Variants in MAGT1 observed in about 807,000 individuals in gnomAD.
The protein encoded by MAGT1 is dolichyl-diphosphooligosaccharide--protein glycosyltransferase subunit MAGT1.
In MAGT1, 4 loss-of-function variants were observed where a neutral mutation model predicts 28.4. That is an observed-to-expected ratio of 0.14 (90% CI 0.07 to 0.32). MAGT1 has a LOEUF of 0.32. Ranked by LOEUF, MAGT1 falls within the 10% of genes least tolerant of loss-of-function variation. The pLI, the probability that MAGT1 is intolerant of heterozygous loss-of-function variation, is 1.00. For missense variants in MAGT1, 193 were observed against 264.5 expected, an observed-to-expected ratio of 0.73 and a Z score of 1.88; for synonymous variants, 89 against 89.7, an observed-to-expected ratio of 0.99 and a Z score of 0.04.
rs199604767 is a variant in MAGT1, at chrX:77,895,415, G to A, written c.-5C>T. 140 of 1,209,397 alleles carry A rather than the reference G, an allele frequency of 1.2e-4. No homozygotes were observed. The highest frequency in any genetic ancestry group is 1.5e-4 in the Non-Finnish European group (133 of 894,626). ...AAACCGCCAACGCGCTGCCATGTTC[G>A]CTCCTCTCCCTTCTATAAGTGAAAC... On this transcript the variant is annotated 5_prime_UTR_variant, in exon 1 of 10. Transcript: ENST00000618282.
intron 1 of MAGT1, among the ~76,000 whole-genome samples, chrX:77,895,107 A>T (rs1474044829): frequency 4.5e-5 from 5 of 110,822 alleles, no homozygotes; most frequent in Admixed American, 9.7e-5. Context: ...CACCTACGCT[A>T]CTCCACTCTC....
intron 1 of MAGT1, among the ~76,000 whole-genome samples, chrX:77,875,817 TATGAATGA>T (rs1335691796): frequency 9.1e-6 from 1 of 110,020 alleles, no homozygotes; most frequent in Non-Finnish European, 1.9e-5. Flanking sequence ...TGTAATTAAT[TATGAATGA>T]ATGAATGAAT....
Position 77,828,855 on chromosome X carries a change from G to A in MAGT1, c.*365C>T, listed in dbSNP as rs782086119. The A allele has an allele frequency of 6.4e-6, 1 of 157,236 alleles. No homozygotes were observed. The highest frequency in any genetic ancestry group is 3.1e-5 in the African/African-American group (1 of 32,097). 13.0% of individuals were successfully genotyped at this position (157,236 alleles called of 1,213,427 possible). ...GTCAGGACTTACTTTCCCCATCTTT[G>A]GATAAGGCAATATAAAATCAGATGA... On this transcript the variant is annotated 3_prime_UTR_variant, in exon 10 of 10. Transcript: ENST00000618282.
chrX:77,839,858 G>C (rs782443181), intron 8 of MAGT1, among the ~76,000 whole-genome samples: 25 of 109,523 alleles, frequency 2.3e-4, no homozygotes, highest in African/African-American at 7.6e-4. Flanking sequence ...CATCAGGCTT[G>C]ATGGCCTCGA....
intron 4 of MAGT1, 134 bp from the exon 5 acceptor site, chrX:77,857,007 T>C: frequency 1.0e-5 from 6 of 587,078 alleles, no homozygotes; most frequent in Admixed American, 3.3e-5. Flanking sequence ...TTTTATGTTA[T>C]CCCAATCAAA....
At position 77,859,676 on chromosome X, in the gene MAGT1, G is replaced by A. The variant is rs1362947320; in HGVS notation, c.391-2179C>T. On this transcript the variant is annotated intron_variant, in intron 3 of 9. Coordinates refer to ENST00000618282, the MANE Select transcript of MAGT1 (RefSeq NM_001367916.1). ...GAGGTCAGGAGCTCGAGACCAGCTT[G>A]GCCAACATGGTAAAACCCCATCTCT... 3.6e-5 allele frequency among the ~76,000 whole-genome samples: 4 copies of A among 111,650 alleles called. No individual in the cohort carries two copies. In the Admixed American group the frequency reaches 3.8e-4, roughly 11 times the overall value.
chrX:77,858,761 C>T (rs2076987624), intron 3 of MAGT1, among the ~76,000 whole-genome samples: 1 of 111,687 alleles, frequency 9.0e-6, no homozygotes, highest in African/African-American at 3.2e-5. Flanking sequence ...TAAATTCTGG[C>T]TATCCTGTTA....
At chrX:77,857,570 T>G in intron 3 of MAGT1, 73 bp from the exon 4 acceptor site, 1 of 1,136,091 alleles carries the variant, frequency 8.8e-7, no homozygotes, top group Non-Finnish European at 1.2e-6. Context: ...ATCTTGAAAT[T>G]TAGGCATTTT....
intron 7 of MAGT1, among the ~76,000 whole-genome samples, chrX:77,848,786 G>A (rs1557215237): frequency 1.8e-5 from 2 of 111,196 alleles, no homozygotes; most frequent in African/African-American, 6.5e-5. Context: ...GCCAAGGTAC[G>A]AGGATTGTTT....
At chrX:77,832,845 AAAAAG>A (rs1569547791) in intron 8 of MAGT1, among the ~76,000 whole-genome samples, 2 of 108,442 alleles carry the variant, frequency 1.8e-5, no homozygotes, top group Non-Finnish European at 3.8e-5. Flanking sequence ...AAAAAAAAAA[AAAAAG>A]AAAAGAAAAG....
chrX:77,841,348 C>T (rs782814223), intron 7 of MAGT1, 28 bp from the exon 8 acceptor site: 11 of 1,006,817 alleles, frequency 1.1e-5, no homozygotes, highest in Admixed American at 6.6e-5. Flanking sequence ...AGGAGAAATT[C>T]GCACAGACAA....
intron 4 of MAGT1, 119 bp downstream of exon 4, chrX:77,857,238 G>T: frequency 1.2e-6 from 1 of 865,744 alleles, no homozygotes; most frequent in Non-Finnish European, 1.7e-6. Context: ...TGCTACTTAT[G>T]AAGTGACTGC....
At chrX:77,891,682 C>A (rs2077083061) in intron 1 of MAGT1, among the ~76,000 whole-genome samples, 1 of 111,730 alleles carries the variant, frequency 9.0e-6, no homozygotes, top group Non-Finnish European at 1.9e-5. Context: ...GTAATTCTGT[C>A]ACTTTAGGAG....
intron 9 of MAGT1, 31 bp downstream of exon 9, chrX:77,830,774 T>C (rs2076895320): frequency 7.1e-6 from 6 of 849,257 alleles, no homozygotes; most frequent in Non-Finnish European, 1.0e-5. Flanking sequence ...GTATTGGTAA[T>C]CACTGTATAA....
In MAGT1 at chrX:77,826,177, T is replaced by C. The variant is rs2076882593; in HGVS notation, c.*3043A>G. On this transcript the variant is annotated 3_prime_UTR_variant, in exon 10 of 10. Coordinates refer to ENST00000618282, the MANE Select transcript of MAGT1 (RefSeq NM_001367916.1). Reference sequence around the variant, plus strand: ...AACATTAAGAATGAGGGACCATGTATAGATTCCTAGAATAATATATCCCAA... The same window carrying C: ...AACATTAAGAATGAGGGACCATGTACAGATTCCTAGAATAATATATCCCAA... Among the ~76,000 whole-genome samples, 1 of 112,399 alleles carries C rather than the reference T, an allele frequency of 8.9e-6. No individual in the cohort carries two copies. The highest frequency in any genetic ancestry group is 9.5e-5 in the Admixed American group (1 of 10,532).
chrX:77,845,360 A>T (rs1362639911), intron 7 of MAGT1, among the ~76,000 whole-genome samples: 1 of 111,411 alleles, frequency 9.0e-6, no homozygotes, highest in East Asian at 2.8e-4. Context: ...GGTCTCCTGA[A>T]TACAGCACAC....
At chrX:77,853,862 G>A in intron 7 of MAGT1, 39 bp downstream of exon 7, 1 of 1,108,538 alleles carries the variant, frequency 9.0e-7, no homozygotes, top group Non-Finnish European at 1.2e-6. Flanking sequence ...TGAGAAAACA[G>A]ACAAAATACA....
intron 7 of MAGT1, among the ~76,000 whole-genome samples, chrX:77,846,766 A>G (rs184258078): frequency 2.7e-5 from 3 of 111,642 alleles, no homozygotes; most frequent in African/African-American, 9.7e-5. Context: ...TGAACAGCAA[A>G]TGTTGCTGCC....
chrX:77,854,184 T>C (rs188396227), intron 6 of MAGT1, among the ~76,000 whole-genome samples: 1 of 111,789 alleles, frequency 8.9e-6, no homozygotes, highest in East Asian at 2.8e-4. Flanking sequence ...TAATACTATG[T>C]TTATTTTTGA....
Sources: gnomAD v4.1 joint callset for allele counts (sites outside exome capture counted in the v4.1 genomes callset) on GRCh38, gnomAD v4.1.1 for gene constraint, MANE v1.5 for transcripts, NCBI Gene and HGNC (gene_info 2026-07-23, HGNC 2026-07-21) for gene names.